GET1: variants seen among roughly 807,000 people sequenced by gnomAD.
The protein encoded by GET1 is guided entry of tail-anchored proteins factor 1, also known as congenital heart disease 5 protein.
Under a neutral mutation model 22.6 loss-of-function variants are expected in GET1, and 20 were observed. That is an observed-to-expected ratio of 0.89 (90% CI 0.62 to 1.29). The LOEUF is 1.29. Among genes scored for constraint, GET1 ranks in the 50% most tolerant of loss-of-function variants. The pLI, the probability that GET1 is intolerant of heterozygous loss-of-function variation, is 0.00. For synonymous variants in GET1, 92 were observed against 83.8 expected (o/e 1.10, Z -0.53); for missense variants, 209 against 219.9 (o/e 0.95, Z 0.31).
chr21:39,390,127 C>G (rs1232031154), intron 1 of GET1, among the ~76,000 whole-genome samples: 1 of 150,652 alleles, frequency 6.6e-6, no homozygotes, highest in East Asian at 2.0e-4. Context: ...GGCAGCTTGC[C>G]CAGTTGGCAG....
chr21:39,405,573 C>T (rs2038995225), intron 4 of GET1, among the ~76,000 whole-genome samples: 1 of 152,156 alleles, frequency 6.6e-6, no homozygotes, highest in African/African-American at 2.4e-5. Flanking sequence ...CTTGGGTTGA[C>T]TAACTTAAGA....
At chr21:39,383,851 C>T (rs1029716506) in intron 1 of GET1, among the ~76,000 whole-genome samples, 21 of 152,220 alleles carry the variant, frequency 1.4e-4, no homozygotes, top group Admixed American at 7.8e-4. Context: ...AGCAATTCTT[C>T]TGTCTCAGCC....
At chr21:39,420,706 C>A in intron 1 of GET1, 1 of 1,607,110 alleles carries the variant, frequency 6.2e-7, no homozygotes. Flanking sequence ...AAAGAAATAC[C>A]TTAAGTTTTT....
chr21:39,410,822 T>TAATG (rs2039968835), downstream of GET1: 1 of 470,966 alleles, frequency 2.1e-6, no homozygotes, highest in Admixed American at 2.4e-5. Flanking sequence ...CCTCGGTTGA[T>TAATG]TCATTGTCTC....
chr21:39,420,738 C>T lies in GET1; in HGVS notation c.*24-7494C>T, dbSNP rs760290686. On this transcript the variant is annotated intron_variant, in intron 1 of 1. Coordinates refer to the GET1 transcript ENST00000478273. Reference sequence around the variant, plus strand: ...TTTTGTTGAAGGTGTTTTACTTCCACCTGCAGAGTCTTGGTAGCTGTCTGA... The same window carrying T: ...TTTTGTTGAAGGTGTTTTACTTCCATCTGCAGAGTCTTGGTAGCTGTCTGA... 9 of 1,613,152 alleles carry T rather than the reference C, an allele frequency of 5.6e-6. No homozygotes were observed. The South Asian group carries it at 7.7e-5, about 14-fold the overall frequency.
downstream of GET1, among the ~76,000 whole-genome samples, chr21:39,402,208 A>G (rs1330655115): frequency 2.0e-5 from 3 of 152,184 alleles, no homozygotes; most frequent in East Asian, 3.9e-4. Context: ...GGTTCAAGCG[A>G]TTCTCCTGCC....
At chr21:39,387,805 C>G (rs1215513041) in intron 1 of GET1, 2 of 985,584 alleles carry the variant, frequency 2.0e-6, no homozygotes, top group East Asian at 1.1e-4. Flanking sequence ...TCGCGGCTTC[C>G]AAGCTCTAAA....
chr21:39,403,771 GCC>G (rs2038907144), intron 4 of GET1, among the ~76,000 whole-genome samples: 1 of 149,304 alleles, frequency 6.7e-6, no homozygotes, highest in Non-Finnish European at 1.5e-5. Flanking sequence ...ACAGATGCTG[GCC>G]ACCACGCATG....
intron 3 of GET1, 156 bp downstream of exon 3, chr21:39,391,992 T>C (rs1481657565): frequency 1.5e-6 from 1 of 652,494 alleles, no homozygotes; most frequent in Non-Finnish European, 2.7e-6. Flanking sequence ...ACTCTCGGTC[T>C]CTAAGTCAGA....
chr21:39,408,549 C>CTTGA (rs2039504595), downstream of GET1: 1 of 152,360 alleles, frequency 6.6e-6, no homozygotes, highest in East Asian at 1.9e-4. Flanking sequence ...GAGCCAGGGC[C>CTTGA]TTGGCCTGTC....
At chr21:39,405,869 A>G in intron 4 of GET1, 3 of 1,529,516 alleles carry the variant, frequency 2.0e-6, no homozygotes, top group Non-Finnish European at 2.7e-6. Context: ...ATGCATTAGG[A>G]TATTGATTAT....
At chr21:39,419,628 G>A (rs548323976) in intron 1 of GET1, among the ~76,000 whole-genome samples, 6 of 152,114 alleles carry the variant, frequency 3.9e-5, no homozygotes, top group African/African-American at 1.4e-4. Flanking sequence ...CTTTTACGAC[G>A]TGGGCCTTTT....
chr21:39,417,626 G>T (rs1277760543), intron 1 of GET1, among the ~76,000 whole-genome samples: 1 of 152,162 alleles, frequency 6.6e-6, no homozygotes, highest in Non-Finnish European at 1.5e-5. Flanking sequence ...AGGTTTAATG[G>T]ACTCACAGTT....
At chr21:39,418,567 C>A (rs2041713311) in intron 1 of GET1, among the ~76,000 whole-genome samples, 1 of 152,104 alleles carries the variant, frequency 6.6e-6, no homozygotes, top group Admixed American at 6.5e-5. Context: ...GTGGCACAAT[C>A]TTGGCTCACT....
intron 1 of GET1, among the ~76,000 whole-genome samples, chr21:39,415,042 C>T (rs944437244): frequency 4.6e-5 from 7 of 152,106 alleles, no homozygotes; most frequent in Middle Eastern, 3.2e-3. Flanking sequence ...GCTGGGATTA[C>T]AGGCTTGTGC....
chr21:39,412,660 C>G (rs2040312947), intron 1 of GET1, among the ~76,000 whole-genome samples: 1 of 152,094 alleles, frequency 6.6e-6, no homozygotes, highest in Admixed American at 6.6e-5. Flanking sequence ...TCTCCTTGTG[C>G]CCCTTAGGGT....
intron 1 of GET1, among the ~76,000 whole-genome samples, chr21:39,417,436 G>A (rs1224171313): frequency 6.6e-6 from 1 of 152,182 alleles, no homozygotes; most frequent in Admixed American, 6.5e-5. Context: ...TTCTAGAGCT[G>A]TCCCTTCTAC....
chr21:39,393,528 A>G (rs1238974161), intron 4 of GET1, among the ~76,000 whole-genome samples: 3 of 152,196 alleles, frequency 2.0e-5, no homozygotes, highest in Admixed American at 2.0e-4. Flanking sequence ...TCCGGGATCC[A>G]TGCCCAATAC....
At chr21:39,390,587 A>T in intron 1 of GET1, 111 bp from the exon 2 acceptor site, 1 of 1,426,182 alleles carries the variant, frequency 7.0e-7, no homozygotes, top group Non-Finnish European at 9.4e-7. Flanking sequence ...GACGCACACA[A>T]CTGGCTGGGT....
Sources: allele counts gnomAD v4.1 joint callset (sites outside exome capture counted in the v4.1 genomes callset), GRCh38; gene constraint gnomAD v4.1.1; transcripts MANE v1.5; gene names NCBI Gene and HGNC (gene_info 2026-07-23, HGNC 2026-07-21).